Variants in ZNF841 observed in about 807,000 individuals in gnomAD.
The protein encoded by ZNF841 is zinc finger protein 841, also known as TCONS_00006091.
A neutral mutation model predicts 13.0 loss-of-function variants in ZNF841; 11 were observed. That is an observed-to-expected ratio of 0.85 (90% CI 0.53 to 1.40). The LOEUF is 1.40. ZNF841 is among the 40% of genes most tolerant of loss of function. The probability of loss-of-function intolerance (pLI) is 0.00; values close to 1 mark genes in which losing one functional copy is unlikely to be tolerated. For missense variants in ZNF841, 1,068 were observed against 1,139.5 expected, an observed-to-expected ratio of 0.94 and a Z score of 0.90; for synonymous variants, 369 against 381.6, an observed-to-expected ratio of 0.97 and a Z score of 0.38.
At chr19:52,088,486 C>T (rs192265293) in intron 3 of ZNF841, among the ~76,000 whole-genome samples, 21 of 152,110 alleles carry the variant, frequency 1.4e-4, no homozygotes, top group South Asian at 2.1e-4. Flanking sequence ...AAAACACACA[C>T]AAATCTATTC....
At chr19:52,077,555 A>C (rs2087945792) in intron 4 of ZNF841, among the ~76,000 whole-genome samples, 1 of 152,252 alleles carries the variant, frequency 6.6e-6, no homozygotes, top group African/African-American at 2.4e-5. Context: ...GTTCTAACTC[A>C]AATGATGACA....
At chr19:52,079,946 G>A (rs1232584014) in intron 4 of ZNF841, among the ~76,000 whole-genome samples, 2 of 145,788 alleles carry the variant, frequency 1.4e-5, no homozygotes, top group Non-Finnish European at 3.0e-5. Flanking sequence ...AGCTGAGATC[G>A]CACTATTGTA....
chr19:52,082,653 A>G (rs2088137599), intron 4 of ZNF841, among the ~76,000 whole-genome samples: 1 of 152,364 alleles, frequency 6.6e-6, no homozygotes, highest in African/African-American at 2.4e-5. Flanking sequence ...TGTGGTGAAG[A>G]CAGCATGCAC....
chr19:52,062,026 G>A (rs117975912), downstream of ZNF841, among the ~76,000 whole-genome samples: 331 of 152,128 alleles, frequency 2.2e-3, no homozygotes, highest in East Asian at 0.024. Flanking sequence ...TTGCTACCCC[G>A]TAGGGAAGCA....
chr19:52,085,419 T>C (rs2088239279), intron 3 of ZNF841, among the ~76,000 whole-genome samples: 1 of 152,132 alleles, frequency 6.6e-6, no homozygotes, highest in Non-Finnish European at 1.5e-5. Context: ...GGGGCAAGAC[T>C]AGCACAGCCC....
At position 52,066,049 on chromosome 19, in the gene ZNF841, G is replaced by T. The variant is rs755312543; in HGVS notation, c.1833C>A (p.Asn611Lys). Reference sequence around the variant, plus strand: ...TATGACTTCGCCTATGAATTGAAAGGTTTCCACTGTCAATGAAGACCTTGC... The same window carrying T: ...TATGACTTCGCCTATGAATTGAAAGTTTTCCACTGTCAATGAAGACCTTGC... ...VCGKVFIDSG[N>K]LSIHRRSHTG... The change falls in exon 7 of 7, where the codon AAC becomes AAA. Residue 611 changes from asparagine (N) to lysine (K), a missense_variant. Transcript: ENST00000594440. The T allele has an allele frequency of 3.1e-6, 5 of 1,613,798 alleles. No homozygotes were observed. In the South Asian group the frequency reaches 5.5e-5, roughly 18 times the overall value.
At chr19:52,077,107 A>G in intron 4 of ZNF841, 23 bp from the exon 5 acceptor site, 3 of 1,597,460 alleles carry the variant, frequency 1.9e-6, no homozygotes, top group East Asian at 2.3e-5. Context: ...ACACATTTCA[A>G]TATGAGCAGT....
chr19:52,078,068 G>A (rs911691541), intron 4 of ZNF841, among the ~76,000 whole-genome samples: 1 of 152,102 alleles, frequency 6.6e-6, no homozygotes, highest in Non-Finnish European at 1.5e-5. Flanking sequence ...AAGATGGGTG[G>A]ATCATGAGGT....
At chr19:52,086,617 T>C (rs998146084) in intron 3 of ZNF841, among the ~76,000 whole-genome samples, 5 of 152,176 alleles carry the variant, frequency 3.3e-5, no homozygotes, top group Admixed American at 6.5e-5. Flanking sequence ...TAAGATGAGA[T>C]GATGAGGAAA....
At position 52,084,887 on chromosome 19, in the gene ZNF841, CA is replaced by C; in HGVS notation, c.-77-10del. 1 of 1,409,102 alleles carries C rather than the reference CA, an allele frequency of 7.1e-7. No individual in the cohort carries two copies. Among genetic ancestry groups the C allele is most frequent in the Non-Finnish European group, 9.7e-7 (1 of 1,030,092 alleles). The allele number at this position is 1,409,102 out of a possible 1,614,324, so 87.3% of individuals were successfully genotyped here. A position where few individuals can be genotyped will look rare whatever the true frequency, so the allele number is the denominator to read the frequency against. On this transcript the variant is annotated splice_polypyrimidine_tract_variant and intron_variant, in intron 3 of 6. Coordinates refer to ENST00000594440, the MANE Select transcript of ZNF841 (RefSeq NM_001136499.2). ...TTCTTTAAAAGTCAAATCTGAAAGT[CA>C]AAAATATGTTGTTTAATCCTTGGAA...
At chr19:52,084,259 T>A (rs1212021656) in intron 4 of ZNF841, among the ~76,000 whole-genome samples, 2 of 152,184 alleles carry the variant, frequency 1.3e-5, no homozygotes, top group African/African-American at 4.8e-5. Flanking sequence ...CTGATGTCTG[T>A]ACCTAGTTTT....
chr19:52,061,258 C>T (rs2087391800), downstream of ZNF841, among the ~76,000 whole-genome samples: 2 of 152,148 alleles, frequency 1.3e-5, no homozygotes, highest in Admixed American at 1.3e-4. Flanking sequence ...TCAATTTGAC[C>T]CTGACACTCT....
chr19:52,066,327 C>T lies in ZNF841; in HGVS notation c.1555G>A (p.Gly519Ser). 1.9e-6 allele frequency: 3 copies of T among 1,613,910 alleles called. No individual in the cohort carries two copies. The highest frequency in any genetic ancestry group is 2.5e-6 in the Non-Finnish European group (3 of 1,179,868). The change falls in exon 7 of 7, where the codon GGC (glycine) becomes AGC (serine). Residue 519 changes from glycine (G) to serine (S), a missense_variant. Transcript: ENST00000594440. ...GEKPYKCNEC[G>S]KAFNWGSLLT... The stretch of plus-strand genomic sequence containing the variant: ...AATGAGCCCCAATTAAAGGCTTTGC[C>T]ACATTCATTACATTTGTAAGGTTTC...
Position 52,076,119 on chromosome 19 carries a change from G to A in ZNF841, c.196C>T (p.Pro66Ser), listed in dbSNP as rs985658074. Residue 66 changes from proline to serine, a missense_variant, in exon 6 of 7, where the codon CCC (proline) becomes TCC (serine). Transcript: ENST00000594440. ...IISMLEQGKE[P>S]WTVVSQVKIA... ...TTCACTTGGCTCACCACAGTCCAGG[G>A]CTCTTTCCCTTGCTCCAACATGGAG... 8 of 1,557,004 alleles carry A rather than the reference G, an allele frequency of 5.1e-6. No individual in the cohort carries two copies. The highest frequency in any genetic ancestry group is 1.2e-5 in the South Asian group (1 of 84,438).
Position 52,090,630 on chromosome 19 carries a change from A to G in ZNF841, c.-143-1628T>C, listed in dbSNP as rs866383080. ...CTTAAAAAAAGAAAGAAAGAAAGAA[A>G]GAAGGAAGGAAGGAAGGAAGGAAGG... On this transcript the variant is annotated intron_variant, in intron 2 of 6. Coordinates refer to ENST00000594440, the MANE Select transcript of ZNF841 (RefSeq NM_001136499.2). Among the ~76,000 whole-genome samples the G allele has an allele frequency of 6.2e-3, 558 of 90,430 alleles. 3 individuals carry two copies. The highest frequency in any genetic ancestry group is 0.021 in the African/African-American group (450 of 21,796). 59.3% of individuals were successfully genotyped at this position (90,430 alleles called of 152,430 possible).
Position 52,077,030 on chromosome 19 carries a change from A to G in ZNF841, c.70T>C (p.Cys24Arg), listed in dbSNP as rs1253334848. 2 of 1,613,358 alleles carry G rather than the reference A, an allele frequency of 1.2e-6. No homozygotes were observed. The highest frequency in any genetic ancestry group is 3.3e-5 in the Admixed American group (2 of 59,972). ...AAAGCTTTCTGAACAGGGTCCAGGC[A>G]TTTCCACTCCTCCTGAGAGAATTCT... ...AVEFSQEEWK[C>R]LDPVQKALYR... Residue 24 changes from cysteine (C) to arginine (R), a missense_variant, in exon 5 of 7, where the codon TGC becomes CGC. Coordinates refer to ENST00000594440, the MANE Select transcript of ZNF841 (RefSeq NM_001136499.2).
At chr19:52,088,277 G>A (rs914912701) in intron 3 of ZNF841, among the ~76,000 whole-genome samples, 1 of 152,092 alleles carries the variant, frequency 6.6e-6, no homozygotes, top group African/African-American at 2.4e-5. Context: ...TTCAGTTGAC[G>A]ATAGAACAAT....
At position 52,076,840 on chromosome 19, in the gene ZNF841, T is replaced by A. The variant is rs191984184; in HGVS notation, c.142+118A>T. Reference sequence around the variant, plus strand: ...GCAGCATTATGAAGCTTTTTATTTGTGAATCAACAAGGCTTCAGTCTCTGT... The same window carrying A: ...GCAGCATTATGAAGCTTTTTATTTGAGAATCAACAAGGCTTCAGTCTCTGT... On this transcript the variant is annotated intron_variant, in intron 5 of 6. Transcript: ENST00000594440. The A allele has an allele frequency of 4.0e-6, 5 of 1,259,548 alleles. No individual in the cohort carries two copies. The East Asian group carries it at 1.3e-4, about 34-fold the overall frequency. The allele number at this position is 1,259,548 out of a possible 1,614,324, so 78.0% of individuals were successfully genotyped here. A position where few individuals can be genotyped will look rare whatever the true frequency, so the allele number is the denominator to read the frequency against.
intron 6 of ZNF841, among the ~76,000 whole-genome samples, chr19:52,069,413 A>C (rs1490742427): frequency 2.0e-5 from 3 of 152,150 alleles, no homozygotes; most frequent in Non-Finnish European, 4.4e-5. Flanking sequence ...TTGGCCACAA[A>C]ATATATATGA....
Sources: gnomAD v4.1 joint callset for allele counts (sites outside exome capture counted in the v4.1 genomes callset) on GRCh38, gnomAD v4.1.1 for gene constraint, MANE v1.5 for transcripts, NCBI Gene and HGNC (gene_info 2026-07-23, HGNC 2026-07-21) for gene names.